PPHLN1: variants seen among roughly 807,000 people sequenced by gnomAD.
PPHLN1 encodes periphilin 1.
In PPHLN1, 29 loss-of-function variants were observed where a neutral mutation model predicts 51.3. That is an observed-to-expected ratio of 0.57 (90% CI 0.42 to 0.77). PPHLN1 has a LOEUF of 0.77. Ranked by LOEUF, PPHLN1 falls within the 30% of genes least tolerant of loss-of-function variation. The pLI, the probability that PPHLN1 is intolerant of heterozygous loss-of-function variation, is 0.00. For missense variants in PPHLN1, 436 were observed against 438.4 expected (o/e 0.99, Z 0.05); for synonymous variants, 147 against 147.8 (o/e 0.99, Z 0.04).
rs1318981152 is a variant in PPHLN1 at position 42,442,002 on chromosome 12, A to G, written c.*493A>G. The G allele has an allele frequency of 3.1e-6, 3 of 958,314 alleles. No individual in the cohort carries two copies. Among genetic ancestry groups the G allele is most frequent in the African/African-American group, 3.5e-5 (2 of 56,622 alleles). The allele number at this position is 958,314 out of a possible 1,614,324, so 59.4% of individuals were successfully genotyped here. A position where few individuals can be genotyped will look rare whatever the true frequency, so the allele number is the denominator to read the frequency against. ...TAATTCTCATTCAATGATAAAATAG[A>G]GCACTTAAATCTCTGAGAGATACCT... On this transcript the variant is annotated 3_prime_UTR_variant, in exon 10 of 10. Coordinates refer to ENST00000358314, the MANE Select transcript of PPHLN1 (RefSeq NM_201439.2).
chr12:42,444,773 C>CA (rs1423784877), downstream of PPHLN1: 4 of 403,626 alleles, frequency 9.9e-6, no homozygotes, highest in Admixed American at 1.7e-4. Flanking sequence ...TTCCTGCTGA[C>CA]AAACTACTTC....
At chr12:42,393,803 T>C in intron 8 of PPHLN1, 114 bp downstream of exon 8, 1 of 1,041,424 alleles carries the variant, frequency 9.6e-7, no homozygotes, top group Non-Finnish European at 1.3e-6. Flanking sequence ...CCTTATGGAT[T>C]ACAGGTATTA....
At chr12:42,424,898 GAAAA>G (rs567055616) in intron 9 of PPHLN1, among the ~76,000 whole-genome samples, 4 of 151,202 alleles carry the variant, frequency 2.6e-5, no homozygotes, top group Non-Finnish European at 4.4e-5. Context: ...AAAACAAAAA[GAAAA>G]AAAGCATAAT....
At chr12:42,346,066 CAT>C (rs2072275087) in intron 2 of PPHLN1, among the ~76,000 whole-genome samples, 4 of 152,252 alleles carry the variant, frequency 2.6e-5, no homozygotes, top group South Asian at 2.1e-4. Flanking sequence ...CATCATCCCA[CAT>C]AGTTACCTTT....
At chr12:42,397,790 C>T (rs1445666054) in intron 8 of PPHLN1, among the ~76,000 whole-genome samples, 5 of 151,974 alleles carry the variant, frequency 3.3e-5, no homozygotes, top group Admixed American at 1.3e-4. Flanking sequence ...GGCTGGAGTG[C>T]AGTGGCGCTG....
intron 4 of PPHLN1, chr12:42,361,787 A>C (rs1320095491): frequency 6.6e-6 from 1 of 152,222 alleles, no homozygotes; most frequent in African/African-American, 2.4e-5. Context: ...ACAGAAACCC[A>C]CATTTGAATT....
intron 5 of PPHLN1, among the ~76,000 whole-genome samples, chr12:42,381,323 G>A (rs1462852417): frequency 1.3e-5 from 2 of 152,190 alleles, no homozygotes; most frequent in Non-Finnish European, 2.9e-5. Flanking sequence ...AATGCCATAT[G>A]CATAGGCATT....
chr12:42,418,544 C>T (rs193243487), intron 9 of PPHLN1, among the ~76,000 whole-genome samples: 106 of 152,232 alleles, frequency 7.0e-4, no homozygotes, highest in Middle Eastern at 3.4e-3. Context: ...ATGTTACCCT[C>T]ATGGCTCACT....
At chr12:42,353,985 C>T (rs1373851767) in intron 3 of PPHLN1, among the ~76,000 whole-genome samples, 1 of 152,072 alleles carries the variant, frequency 6.6e-6, no homozygotes, top group Non-Finnish European at 1.5e-5. Flanking sequence ...AGTCTCATGA[C>T]ACTAATTCTT....
chr12:42,442,816 AGCTATCCAC>A (rs2083074046), downstream of PPHLN1: 16 of 1,602,774 alleles, frequency 1.0e-5, no homozygotes, highest in Admixed American at 1.7e-5. Flanking sequence ...ATGGGACAAC[AGCTATCCAC>A]ACAACAGAAA....
At chr12:42,417,236 C>T (rs2080470126) in intron 9 of PPHLN1, among the ~76,000 whole-genome samples, 1 of 152,156 alleles carries the variant, frequency 6.6e-6, no homozygotes, top group African/African-American at 2.4e-5. Flanking sequence ...AGAGGAAAAA[C>T]AGAATAACTG....
rs530342929 is a variant in PPHLN1 at position 42,349,934 on chromosome 12, C to T, written c.73-1951C>T. Reference sequence around the variant, plus strand: ...TGAGCTGTTGGGTACACCTCCCAGACGGGGTGGTGGCCCGGCAGAGGGGCT... The same window carrying T: ...TGAGCTGTTGGGTACACCTCCCAGATGGGGTGGTGGCCCGGCAGAGGGGCT... On this transcript the variant is annotated intron_variant, in intron 2 of 9. Transcript: ENST00000358314. 8.7e-4 allele frequency among the ~76,000 whole-genome samples: 133 copies of T among 152,256 alleles called. 1 individual carries two copies. The highest frequency in any genetic ancestry group is 3.0e-3 in the African/African-American group (123 of 41,570).
chr12:42,400,153 C>G (rs1221322068), intron 9 of PPHLN1: 1 of 151,954 alleles, frequency 6.6e-6, no homozygotes, highest in Non-Finnish European at 1.5e-5. Flanking sequence ...TCACCGAGAA[C>G]AGTATGTGTA....
chr12:42,355,990 A>G (rs542034853), intron 4 of PPHLN1, among the ~76,000 whole-genome samples: 2 of 147,338 alleles, frequency 1.4e-5, no homozygotes, highest in Admixed American at 6.9e-5. Flanking sequence ...AAGGGCCTCA[A>G]TCGTTGGCTT....
At chr12:42,425,052 ATGTATG>A (rs1194158400) in intron 9 of PPHLN1, among the ~76,000 whole-genome samples, 2 of 151,264 alleles carry the variant, frequency 1.3e-5, no homozygotes, top group African/African-American at 2.4e-5. Context: ...GTATGTATGT[ATGTATG>A]TATGTATGTA....
At chr12:42,395,276 T>C (rs567909462) in intron 8 of PPHLN1, among the ~76,000 whole-genome samples, 3 of 152,258 alleles carry the variant, frequency 2.0e-5, no homozygotes, top group Admixed American at 1.3e-4. Context: ...AGACGTGTTC[T>C]TTTGTTGGAT....
At chr12:42,328,245 T>C (rs1185415755) in intron 1 of PPHLN1, among the ~76,000 whole-genome samples, 3 of 152,202 alleles carry the variant, frequency 2.0e-5, no homozygotes, top group Admixed American at 6.5e-5. Context: ...TTAGTCTGTT[T>C]GTGGCACAGT....
intron 2 of PPHLN1, 31 bp from the exon 3 acceptor site, chr12:42,351,854 A>C: frequency 5.9e-6 from 9 of 1,517,266 alleles, no homozygotes; most frequent in Non-Finnish European, 7.9e-6. Context: ...GAAATTAGTC[A>C]TTTGTATATA....
downstream of PPHLN1, chr12:42,446,186 A>T (rs1566062554): frequency 1.9e-6 from 3 of 1,611,442 alleles, no homozygotes; most frequent in African/African-American, 4.0e-5. Flanking sequence ...GCTGAAGAAG[A>T]CAACTCAGGA....
Sources: gnomAD v4.1 joint callset for allele counts (sites outside exome capture counted in the v4.1 genomes callset) on GRCh38, gnomAD v4.1.1 for gene constraint, MANE v1.5 for transcripts, NCBI Gene and HGNC (gene_info 2026-07-23, HGNC 2026-07-21) for gene names.